Variants in FAM216A observed in about 807,000 individuals in gnomAD.
The protein encoded by FAM216A is family with sequence similarity 216 member A.
A neutral mutation model predicts 37.6 loss-of-function variants in FAM216A; 26 were observed. The observed-to-expected ratio is 0.69, with a 90% confidence interval of 0.51 to 0.96. The LOEUF is 0.96. FAM216A is among the 40% of genes least tolerant of loss of function. FAM216A has a pLI of 0.00. For synonymous variants in FAM216A, 110 were observed against 121.7 expected, an observed-to-expected ratio of 0.90 and a Z score of 0.64; for missense variants, 326 against 339.3, an observed-to-expected ratio of 0.96 and a Z score of 0.31.
chr12:110,484,651 C>G (rs2062766606), intron 2 of FAM216A, among the ~76,000 whole-genome samples: 1 of 151,648 alleles, frequency 6.6e-6, no homozygotes, highest in African/African-American at 2.4e-5. Flanking sequence ...TGTTTGTGTG[C>G]TCTAAAACCA....
intron 3 of FAM216A, 139 bp downstream of exon 3, chr12:110,485,338 A>G: frequency 1.6e-6 from 1 of 630,740 alleles, no homozygotes; most frequent in Non-Finnish European, 2.6e-6. Flanking sequence ...GAGTCAATAA[A>G]TATCTTTGAG....
chr12:110,469,158 C>A, intron 1 of FAM216A, 140 bp downstream of exon 1: 1 of 1,018,366 alleles, frequency 9.8e-7, no homozygotes, highest in Non-Finnish European at 1.3e-6. Flanking sequence ...AAGTGAGAGG[C>A]GGGGAGCAGT....
At chr12:110,489,173 C>T (rs1377959020) in intron 6 of FAM216A, among the ~76,000 whole-genome samples, 1 of 152,072 alleles carries the variant, frequency 6.6e-6, no homozygotes, top group Non-Finnish European at 1.5e-5. Context: ...AAGTAGTTTC[C>T]TAGTTATCAG....
intron 5 of FAM216A, 56 bp from the exon 6 acceptor site, chr12:110,487,805 C>G: frequency 1.9e-6 from 2 of 1,046,296 alleles, no homozygotes; most frequent in Non-Finnish European, 3.0e-6. Context: ...CTTCCACATG[C>G]CCTAGGCAGC....
intron 1 of FAM216A, among the ~76,000 whole-genome samples, chr12:110,471,404 T>G (rs925745957): frequency 6.6e-6 from 1 of 152,108 alleles, no homozygotes; most frequent in Non-Finnish European, 1.5e-5. Context: ...TTCTTTAAAG[T>G]CAGGTTTATT....
intron 1 of FAM216A, among the ~76,000 whole-genome samples, chr12:110,469,999 C>T (rs1477461284): frequency 6.6e-6 from 1 of 152,136 alleles, no homozygotes; most frequent in Non-Finnish European, 1.5e-5. Flanking sequence ...TCTACCTCCT[C>T]TTCCTCTCCC....
intron 2 of FAM216A, among the ~76,000 whole-genome samples, chr12:110,473,709 G>T (rs1028272795): frequency 1.3e-5 from 2 of 152,056 alleles, no homozygotes; most frequent in African/African-American, 2.4e-5. Flanking sequence ...CACAGCCTGG[G>T]GTTTATACAT....
In FAM216A at chr12:110,469,035, CG is replaced by C; in HGVS notation, c.143+21del. 3.5e-6 allele frequency: 5 copies of C among 1,448,658 alleles called. No individual in the cohort carries two copies. The highest frequency in any genetic ancestry group is 4.5e-6 in the Non-Finnish European group (5 of 1,101,988). 89.7% of individuals were successfully genotyped at this position (1,448,658 alleles called of 1,614,324 possible). A position where few individuals can be genotyped will look rare whatever the true frequency, so the allele number is the denominator to read the frequency against. ...CGGCGGCGGGTGAGGTTGGGGGCCC[CG>C]GGGTAAGGGTGGCAGCATGGGGCCC... On this transcript the variant is annotated intron_variant, in intron 1 of 6. Coordinates refer to ENST00000377673, the MANE Select transcript of FAM216A (RefSeq NM_013300.3).
At chr12:110,476,536 C>CT (rs1416723015) in intron 2 of FAM216A, among the ~76,000 whole-genome samples, 8 of 147,128 alleles carry the variant, frequency 5.4e-5, no homozygotes, top group South Asian at 2.2e-4. Context: ...TAGCTTTTTT[C>CT]TTTTTTTTGA....
chr12:110,469,146 T>G, intron 1 of FAM216A, 128 bp downstream of exon 1: 1 of 1,123,912 alleles, frequency 8.9e-7, no homozygotes, highest in Non-Finnish European at 1.2e-6. Flanking sequence ...CCCGGTGCCC[T>G]CAAGTGAGAG....
At chr12:110,469,206 G>A (rs148832149) in intron 1 of FAM216A, 188 bp downstream of exon 1, 6 of 625,418 alleles carry the variant, frequency 9.6e-6, no homozygotes, top group South Asian at 3.9e-5. Flanking sequence ...GGACTGCCTC[G>A]CGGTTGAGGG....
Position 110,476,125 on chromosome 12 carries a change from C to T in FAM216A, c.184+3007C>T, listed in dbSNP as rs1194542944. On this transcript the variant is annotated intron_variant, in intron 2 of 6. Transcript: ENST00000377673. ...TTATCTATAGACCTTATTAAGATAT[C>T]GTTTATTATTTCAATAATATCCTTT... Among the ~76,000 whole-genome samples, 5 of 151,740 alleles carry T rather than the reference C, an allele frequency of 3.3e-5. No homozygotes were observed. In the East Asian group the frequency reaches 5.8e-4, roughly 18 times the overall value.
intron 1 of FAM216A, among the ~76,000 whole-genome samples, chr12:110,470,472 T>A (rs2062679059): frequency 6.9e-6 from 1 of 144,494 alleles, no homozygotes; most frequent in African/African-American, 2.7e-5. Flanking sequence ...AGGAGATACG[T>A]GAATTTTTTT....
chr12:110,479,884 A>G (rs141668122), intron 2 of FAM216A, among the ~76,000 whole-genome samples: 1,582 of 152,038 alleles, frequency 0.01, 32 homozygotes, highest in Middle Eastern at 0.041. Flanking sequence ...AAAAAAGCCT[A>G]GTAGTTAATT....
intron 5 of FAM216A, 69 bp from the exon 6 acceptor site, chr12:110,487,791 TG>T: frequency 2.2e-6 from 2 of 890,986 alleles, no homozygotes; most frequent in Non-Finnish European, 3.7e-6. Context: ...CAAATTTGTG[TG>T]GTCTTCCACA....
chr12:110,470,605 G>T lies in FAM216A; in HGVS notation c.143+1587G>T, dbSNP rs138799499. On this transcript the variant is annotated intron_variant, in intron 1 of 6. Coordinates refer to ENST00000377673, the MANE Select transcript of FAM216A (RefSeq NM_013300.3). ...CAATTCTCCTGCCTCAGCCTCCCAA[G>T]TAGCTGGGACTACAGGTGTGCGCCA... Among the ~76,000 whole-genome samples, 530 of 151,852 alleles carry T rather than the reference G, an allele frequency of 3.5e-3. 2 individuals carry two copies. The highest frequency in any genetic ancestry group is 0.012 in the African/African-American group (497 of 41,388).
chr12:110,489,981 C>A, intron 6 of FAM216A, 38 bp from the exon 7 acceptor site: 1 of 1,013,696 alleles, frequency 9.9e-7, no homozygotes, highest in Non-Finnish European at 1.5e-6. Flanking sequence ...AGCTTTATTT[C>A]CAAAACAGAC....
At position 110,490,309 on chromosome 12, in the gene FAM216A, A is replaced by C; in HGVS notation, c.*172A>C. The C allele has an allele frequency of 3.3e-6, 2 of 601,958 alleles. No individual in the cohort carries two copies. The highest frequency in any genetic ancestry group is 5.8e-5 in the Admixed American group (2 of 34,736). The allele number at this position is 601,958 out of a possible 1,614,324, so 37.3% of individuals were successfully genotyped here. A position where few individuals can be genotyped will look rare whatever the true frequency, so the allele number is the denominator to read the frequency against. On this transcript the variant is annotated 3_prime_UTR_variant, in exon 7 of 7. Coordinates refer to ENST00000377673, the MANE Select transcript of FAM216A (RefSeq NM_013300.3). The stretch of plus-strand genomic sequence containing the variant: ...TGATGTAGTTCCATGTACCAATGAT[A>C]GTTATGTAAGAAAATTTACATGTAA...
At chr12:110,470,967 G>C (rs1325335061) in intron 1 of FAM216A, among the ~76,000 whole-genome samples, 1 of 152,070 alleles carries the variant, frequency 6.6e-6, no homozygotes, top group Admixed American at 6.6e-5. Flanking sequence ...TATGCTACAT[G>C]ATACAATGTT....
Sources: gnomAD v4.1 joint callset for allele counts (sites outside exome capture counted in the v4.1 genomes callset) on GRCh38, gnomAD v4.1.1 for gene constraint, MANE v1.5 for transcripts, NCBI Gene and HGNC (gene_info 2026-07-23, HGNC 2026-07-21) for gene names.